The following CCDC88A variants were observed in gnomAD, a reference collection of about 807,000 sequenced individuals.
The protein encoded by CCDC88A is coiled-coil and HOOK domain protein 88A, also known as girdin.
In CCDC88A, 54 loss-of-function variants were observed where a neutral mutation model predicts 234.3. The ratio of observed to expected loss-of-function variants is 0.23; its 90% CI spans 0.19 to 0.29. CCDC88A has a LOEUF of 0.29. Ranked by LOEUF, CCDC88A falls within the 10% of genes least tolerant of loss-of-function variation. The probability of loss-of-function intolerance (pLI) is 1.00; values close to 1 mark genes in which losing one functional copy is unlikely to be tolerated. For missense variants in CCDC88A, 1,832 were observed against 2,123.4 expected (o/e 0.86, Z 2.70); for synonymous variants, 753 against 737.8 (o/e 1.02, Z -0.33).
At chr2:55,378,494 G>A (rs1450110325) in intron 3 of CCDC88A, among the ~76,000 whole-genome samples, 3 of 152,102 alleles carry the variant, frequency 2.0e-5, no homozygotes, top group African/African-American at 7.2e-5. Context: ...CAATACATAT[G>A]CCTTTTTTGG....
intron 2 of CCDC88A, among the ~76,000 whole-genome samples, chr2:55,407,442 T>C (rs1452042403): frequency 2.7e-5 from 4 of 149,154 alleles, no homozygotes; most frequent in Admixed American, 2.7e-4. Context: ...CCGTCTCTAC[T>C]AAAAATACAA....
intron 8 of CCDC88A, among the ~76,000 whole-genome samples, chr2:55,354,596 C>T (rs776400822): frequency 3.3e-5 from 5 of 151,784 alleles, no homozygotes; most frequent in African/African-American, 1.2e-4. Context: ...CAGAGTCTCG[C>T]TCTGTCACCC....
chr2:55,405,165 T>C (rs1292645722), intron 2 of CCDC88A: 3 of 152,288 alleles, frequency 2.0e-5, no homozygotes, highest in Non-Finnish European at 4.4e-5. Context: ...AGTATGCTTT[T>C]CCCCTAAAAC....
intron 5 of CCDC88A, among the ~76,000 whole-genome samples, chr2:55,372,204 TC>T (rs1672946930): frequency 6.6e-6 from 1 of 152,082 alleles, no homozygotes; most frequent in Non-Finnish European, 1.5e-5. Context: ...ATTATAAGCC[TC>T]AGAATAAGGA....
Position 55,349,584 on chromosome 2 carries a change from C to T in CCDC88A, c.816G>A (p.Glu272=), listed in dbSNP as rs768853318. Residue 272 remains glutamate, a synonymous_variant, in exon 9 of 33, where the codon GAG becomes GAA. Transcript: ENST00000436346. ...GTTCTTGTTTACAATCCAACAACTG[C>T]TCAGTCTTTTCCTCCCTTAAATGCA... ...RLRQELEEKT[E]QLLDCKQELE... is the part of the protein sequence containing the mutation. The T allele has an allele frequency of 1.4e-5, 23 of 1,611,536 alleles. No homozygotes were observed. Among genetic ancestry groups the T allele is most frequent in the Non-Finnish European group, 1.5e-5 (18 of 1,178,854 alleles).
At chr2:55,311,978 A>C (rs1337394211) in intron 23 of CCDC88A, among the ~76,000 whole-genome samples, 1 of 152,150 alleles carries the variant, frequency 6.6e-6, no homozygotes, top group Non-Finnish European at 1.5e-5. Flanking sequence ...TTTAGGTCCT[A>C]TACCACACCA....
chr2:55,307,725 G>A (rs1250604230), intron 25 of CCDC88A, among the ~76,000 whole-genome samples: 2 of 139,698 alleles, frequency 1.4e-5, no homozygotes, highest in Non-Finnish European at 3.0e-5. Flanking sequence ...CTGGCCTCAT[G>A]TGATCCTGCT....
Position 55,344,404 on chromosome 2 carries a change from G to A in CCDC88A, c.1152C>T (p.Asn384=), listed in dbSNP as rs2104723453. The change falls in exon 11 of 33, where the codon AAC becomes AAT. Residue 384 remains asparagine (N), a synonymous_variant. Transcript: ENST00000436346. ...CATGAAGTTTAGCTTTCAGTTGTAA[G>A]TTCTCTTTTTCTAATTCATGTAATT... ...SDKLHELEKE[N]LQLKAKLHDM... is the part of the protein sequence containing the mutation. 4 of 1,592,884 alleles carry A rather than the reference G, an allele frequency of 2.5e-6. No homozygotes were observed. The highest frequency in any genetic ancestry group is 3.4e-6 in the Non-Finnish European group (4 of 1,167,960).
Position 55,317,524 on chromosome 2 carries a change from T to G in CCDC88A, c.3602+40A>C, listed in dbSNP as rs1386541620. ...ATTTATTATACTACTTGAAGAAAAT[T>G]CATTTTAAATTCACAGTACAACAAA... is the stretch of plus-strand genomic sequence containing the variant. On this transcript the variant is annotated intron_variant, in intron 20 of 32. Coordinates refer to ENST00000436346, the MANE Select transcript of CCDC88A (RefSeq NM_001365480.1). The surrounding 1 kb of genome is among the most constrained non-coding windows in gnomAD (Gnocchi z 4.2). 7.1e-7 allele frequency: 1 copy of G among 1,408,226 alleles called. No homozygotes were observed. The highest frequency in any genetic ancestry group is 1.6e-5 in the South Asian group (1 of 61,544). 87.2% of individuals were successfully genotyped at this position (1,408,226 alleles called of 1,614,324 possible). A position where few individuals can be genotyped will look rare whatever the true frequency, so the allele number is the denominator to read the frequency against.
chr2:55,372,179 CA>C (rs750242245), intron 5 of CCDC88A, among the ~76,000 whole-genome samples: 12 of 151,742 alleles, frequency 7.9e-5, no homozygotes, highest in African/African-American at 2.2e-4. Context: ...GAAAAAACCT[CA>C]AAAATTTAAG....
At chr2:55,403,702 T>C (rs1236409607) in intron 2 of CCDC88A, 1 of 152,270 alleles carries the variant, frequency 6.6e-6, no homozygotes, top group Non-Finnish European at 1.5e-5. Context: ...TGAGAACTAC[T>C]GTATTAGGCA....
chr2:55,308,935 T>C lies in CCDC88A; in HGVS notation c.4261A>G (p.Thr1421Ala). The C allele has an allele frequency of 6.2e-7, 1 of 1,614,064 alleles. No homozygotes were observed. Among genetic ancestry groups the C allele is most frequent in the South Asian group, 1.1e-5 (1 of 91,080 alleles). Residue 1421 changes from threonine to alanine, a missense_variant, in exon 25 of 33, where the codon ACA becomes GCA. Around this residue, in one of 6 missense-constraint regions of CCDC88A, gnomAD observed 1,282 missense variants for 1,543.6 expected, o/e 0.83. Coordinates refer to ENST00000436346, the MANE Select transcript of CCDC88A (RefSeq NM_001365480.1). ...TCACTGGAGTCTGAGCGGGTGGGTG[T>C]TAATGTTAGAGATTTCTGGCGTTCC... is the stretch of plus-strand genomic sequence containing the variant. ...NRERQKSLTL[T>A]PTRSDSSEGF...
At chr2:55,306,835 C>CA (rs1253971329) in intron 25 of CCDC88A, among the ~76,000 whole-genome samples, 1 of 152,200 alleles carries the variant, frequency 6.6e-6, no homozygotes, top group African/African-American at 2.4e-5. Context: ...CTCAGCCTCC[C>CA]AAAGTGCTGG....
In CCDC88A at chr2:55,312,514, T is replaced by C; in HGVS notation, c.3999A>G (p.Thr1333=). 2.5e-6 allele frequency: 4 copies of C among 1,611,962 alleles called. No individual in the cohort carries two copies. The highest frequency in any genetic ancestry group is 3.4e-6 in the Non-Finnish European group (4 of 1,179,204). Residue 1333 remains threonine (T), a synonymous_variant, in exon 23 of 33, where the codon ACA becomes ACG. Coordinates refer to ENST00000436346, the MANE Select transcript of CCDC88A (RefSeq NM_001365480.1). ...AAAGTGTTCTGTTCTGTAGCATTAA[T>C]GTCTGAATTTGATCTAGTAGATGCC... ...ENRHLLDQIQ[T]LMLQNRTLLE...
intron 2 of CCDC88A, among the ~76,000 whole-genome samples, chr2:55,413,602 C>A (rs1680858898): frequency 6.6e-6 from 1 of 152,120 alleles, no homozygotes; most frequent in Non-Finnish European, 1.5e-5. Context: ...TACTGTGTGT[C>A]AAACACTGTC....
chr2:55,368,096 G>C (rs1672287748), intron 5 of CCDC88A, among the ~76,000 whole-genome samples: 1 of 152,182 alleles, frequency 6.6e-6, no homozygotes. Flanking sequence ...TCAGGGCTAG[G>C]ATGAAGAGTC....
At chr2:55,341,588 G>A (rs1166408048) in intron 12 of CCDC88A, among the ~76,000 whole-genome samples, 1 of 151,424 alleles carries the variant, frequency 6.6e-6, no homozygotes, top group African/African-American at 2.4e-5. Context: ...GGGATCACAG[G>A]TGTGCGCCAC....
In CCDC88A at chr2:55,332,622, C is replaced by T. The variant is rs1362499491; in HGVS notation, c.2799G>A (p.Glu933=). 1.2e-6 allele frequency: 2 copies of T among 1,611,444 alleles called. No individual in the cohort carries two copies. Among genetic ancestry groups the T allele is most frequent in the South Asian group, 2.2e-5 (2 of 91,056 alleles). Residue 933 remains glutamate, a synonymous_variant, in exon 16 of 33, where the codon GAG becomes GAA. Coordinates refer to ENST00000436346, the MANE Select transcript of CCDC88A (RefSeq NM_001365480.1). This position sits in a 1 kb window ranked among gnomAD's most constrained non-coding sequence, Gnocchi z 4.5. The part of the protein sequence containing the change: ...NDLEKLTHEL[E]KIGLNKERLL... ...GTCGCTCCTTATTTAACCCTATCTT[C>T]TCAAGCTCATGAGTTAATTTTTCGA...
chr2:55,296,142 T>C lies in CCDC88A; in HGVS notation c.5092-86A>G, dbSNP rs148404662. The C allele has an allele frequency of 1.8e-4, 244 of 1,329,446 alleles. No individual in the cohort carries two copies. The African/African-American group carries it at 3.2e-3, about 17-fold the overall frequency. 82.4% of individuals were successfully genotyped at this position (1,329,446 alleles called of 1,614,324 possible). Reference sequence around the variant, plus strand: ...ATTTAGCAGACTGTGCAATATAAAATTGTGGTACCTCTTAATACTCCTTAA... The same window carrying C: ...ATTTAGCAGACTGTGCAATATAAAACTGTGGTACCTCTTAATACTCCTTAA... On this transcript the variant is annotated intron_variant, in intron 30 of 32. Coordinates refer to ENST00000436346, the MANE Select transcript of CCDC88A (RefSeq NM_001365480.1).
Sources: allele counts gnomAD v4.1 joint callset (sites outside exome capture counted in the v4.1 genomes callset), GRCh38; gene constraint gnomAD v4.1.1; regional missense constraint gnomAD v4.1.1; non-coding constraint Gnocchi (gnomAD v3.1); transcripts MANE v1.5; gene names NCBI Gene and HGNC (gene_info 2026-07-23, HGNC 2026-07-21).